The following SUN1 variants were observed in gnomAD, a reference collection of about 807,000 sequenced individuals.
SUN1 encodes the protein Sad1 and UNC84 domain containing 1, also known as SUN domain-containing protein 1.
SUN1 carries 61 observed loss-of-function variants against 103.2 expected under a neutral mutation model. The observed-to-expected ratio is 0.59, with a 90% CI of 0.48 to 0.73. SUN1 has a LOEUF of 0.73. SUN1 is among the 30% of genes least tolerant of loss of function. SUN1 has a pLI of 0.00. For missense variants in SUN1, 1,052 were observed against 1,034.6 expected (o/e 1.02, Z -0.23); for synonymous variants, 490 against 425.7 (o/e 1.15, Z -1.86).
At chr7:833,257 G>A (rs1799620506) in intron 1 of SUN1, 1 of 151,036 alleles carries the variant, frequency 6.6e-6, no homozygotes, top group Admixed American at 6.6e-5. Context: ...CCCAGCAGAT[G>A]TTTAAGGCAC....
chr7:850,210 T>C, intron 5 of SUN1: 1 of 645,050 alleles, frequency 1.6e-6, no homozygotes, highest in Non-Finnish European at 2.6e-6. Flanking sequence ...CTTGTAAATA[T>C]TTTTTGGAAG....
intron 16 of SUN1, 96 bp downstream of exon 16, chr7:866,163 G>C: frequency 2.0e-6 from 2 of 1,020,284 alleles, no homozygotes; most frequent in Non-Finnish European, 3.0e-6. Flanking sequence ...AACTTCGTAA[G>C]ATGAACACGT....
intron 16 of SUN1, among the ~76,000 whole-genome samples, chr7:867,410 G>A (rs1197620320): frequency 1.3e-5 from 2 of 152,250 alleles, no homozygotes; most frequent in African/African-American, 4.8e-5. Context: ...GTTCCTGCAT[G>A]GCGGTCCTGC....
upstream of SUN1, among the ~76,000 whole-genome samples, chr7:827,845 T>A (rs1367852964): frequency 6.6e-6 from 1 of 152,190 alleles, no homozygotes; most frequent in Non-Finnish European, 1.5e-5. Context: ...ATATAAATTA[T>A]ATACTGTAAA....
chr7:852,745 C>A, intron 8 of SUN1, 65 bp from the exon 9 acceptor site: 1 of 1,612,766 alleles, frequency 6.2e-7, no homozygotes. Context: ...AAAAAATGAG[C>A]GTGTAAGTCC....
At chr7:862,877 C>T (rs949595475) in intron 15 of SUN1, among the ~76,000 whole-genome samples, 3 of 152,206 alleles carry the variant, frequency 2.0e-5, no homozygotes, top group South Asian at 2.1e-4. Flanking sequence ...TCTGGCCGGG[C>T]GCAGTGGCTC....
intron 15 of SUN1, among the ~76,000 whole-genome samples, chr7:865,554 G>C (rs1562806334): frequency 6.6e-6 from 1 of 152,230 alleles, no homozygotes; most frequent in Non-Finnish European, 1.5e-5. Flanking sequence ...AAAGATAGAA[G>C]TGCAGGTCTG....
Position 852,040 on chromosome 7 carries a change from C to T in SUN1, c.848C>T (p.Thr283Ile), listed in dbSNP as rs1374759613. 6 of 1,613,798 alleles carry T rather than the reference C, an allele frequency of 3.7e-6. No homozygotes were observed. The African/African-American group carries it at 4.0e-5, about 11-fold the overall frequency. The change falls in exon 7 of 19, where the codon ACC (threonine) becomes ATC (isoleucine). Residue 283 changes from threonine (T) to isoleucine (I), a missense_variant. Thr to Ile is a moderately conservative substitution (Grantham distance 89, BLOSUM62 -1). Coordinates refer to ENST00000401592, the MANE Select transcript of SUN1 (RefSeq NM_001130965.3). ...TCTTGGCTGAATGTGTTTCTTCTTA[C>T]CAGGTAAGGAAATGGATATCATGTC... ...LISWLNVFLL[T>I]RCLRNICKFL...
intron 15 of SUN1, among the ~76,000 whole-genome samples, chr7:861,996 A>G (rs1832621218): frequency 6.6e-6 from 1 of 152,180 alleles, no homozygotes; most frequent in South Asian, 2.1e-4. Flanking sequence ...GAAAATCAGC[A>G]TCGCAGCTGA....
intron 2 of SUN1, among the ~76,000 whole-genome samples, chr7:840,997 G>C (rs531555350): frequency 7.3e-5 from 11 of 150,544 alleles, no homozygotes; most frequent in African/African-American, 2.7e-4. Context: ...GCAATGGCGC[G>C]ATCTTGGCTC....
In SUN1 at chr7:853,494, G is replaced by A. The variant is rs772745426; in HGVS notation, c.1139G>A (p.Gly380Asp). The change falls in exon 10 of 19, where the codon GGT becomes GAT. Residue 380 changes from glycine (G) to aspartate (D), a missense_variant. This residue lies in a region of SUN1 where 846 missense variants were observed against 774.5 expected (regional missense o/e 1.09). Transcript: ENST00000401592. ...ASLSGQCHHH[G>D]ENLRELTTLL... ...CTGTCTGGACAGTGCCACCACCATG[G>A]TGAGAATCTCCGAGAGCTGACCACT... The A allele has an allele frequency of 3.7e-6, 6 of 1,614,024 alleles. No homozygotes were observed. The highest frequency in any genetic ancestry group is 2.2e-5 in the South Asian group (2 of 91,088).
At chr7:829,548 G>GTTTTTTTTT (rs59608102), upstream of SUN1, among the ~76,000 whole-genome samples, 2 of 143,828 alleles carry the variant, frequency 1.4e-5, no homozygotes, top group Non-Finnish European at 3.0e-5. Flanking sequence ...AAAATAACTG[G>GTTTTTTTTT]TTTTTTTTTT....
intron 5 of SUN1, chr7:843,855 C>T: frequency 7.4e-7 from 1 of 1,343,660 alleles, no homozygotes; most frequent in Non-Finnish European, 9.5e-7. Context: ...GATGTTCACA[C>T]ATACTGAAGG....
chr7:856,416 A>T lies in SUN1; in HGVS notation c.1394+15A>T. ...AAAACAATCAGGTAGGAGGATTTGG[A>T]AAACATTCACTTTTGTCTTCGGTGT... On this transcript the variant is annotated intron_variant, in intron 12 of 18. Transcript: ENST00000401592. The T allele has an allele frequency of 6.2e-7, 1 of 1,614,046 alleles. No individual in the cohort carries two copies. Among genetic ancestry groups the T allele is most frequent in the Non-Finnish European group, 8.5e-7 (1 of 1,179,894 alleles).
In SUN1 at chr7:857,710, C is replaced by T. The variant is rs1828783416; in HGVS notation, c.1395-118C>T. 18 of 1,305,444 alleles carry T rather than the reference C, an allele frequency of 1.4e-5. No homozygotes were observed. In the East Asian group the frequency reaches 4.6e-4, roughly 33 times the overall value. 80.9% of individuals were successfully genotyped at this position (1,305,444 alleles called of 1,614,324 possible). On this transcript the variant is annotated intron_variant, in intron 12 of 18. Transcript: ENST00000401592. ...TCCACGTTAGTGTGGCACAGGATGA[C>T]ATCTGTACAGTTGTGACACCCAGGA... is the stretch of plus-strand genomic sequence containing the variant.
chr7:865,972 C>T lies in SUN1; in HGVS notation c.1885C>T (p.Arg629Cys), dbSNP rs1460651781. ...ESGGGSILSTRCSETYETKTA... is the reference protein window; with the variant it reads ...ESGGGSILSTCCSETYETKTA... The stretch of plus-strand genomic sequence containing the variant: ...TTAAGGTGGCAGCATCTTGAGTACT[C>T]GCTGTTCTGAAACTTACGAAACCAA... Residue 629 changes from arginine to cysteine, a missense_variant, in exon 16 of 19, where the codon CGC becomes TGC. Transcript: ENST00000401592. 1.2e-6 allele frequency: 2 copies of T among 1,613,950 alleles called. No individual in the cohort carries two copies. The highest frequency in any genetic ancestry group is 1.3e-5 in the African/African-American group (1 of 74,910).
intron 12 of SUN1, among the ~76,000 whole-genome samples, chr7:857,334 A>G (rs1367777449): frequency 6.6e-6 from 1 of 152,172 alleles, no homozygotes; most frequent in Admixed American, 6.5e-5. Context: ...AAGTTGCTTT[A>G]ACGTGTTAAT....
chr7:869,216 G>C (rs1379484653), intron 16 of SUN1, 133 bp from the exon 17 acceptor site: 11 of 1,105,852 alleles, frequency 9.9e-6, no homozygotes, highest in South Asian at 1.6e-5. Context: ...GCTTATCTTC[G>C]GATTTTGCTC....
At chr7:820,986 A>G (rs1785337958) in intron 1 of SUN1, among the ~76,000 whole-genome samples, 1 of 151,916 alleles carries the variant, frequency 6.6e-6, no homozygotes, top group African/African-American at 2.4e-5. Context: ...TTATGACTCA[A>G]CTTCTTCTGG....
Sources: allele counts gnomAD v4.1 joint callset (sites outside exome capture counted in the v4.1 genomes callset), GRCh38; gene constraint gnomAD v4.1.1; regional missense constraint gnomAD v4.1.1; transcripts MANE v1.5; gene names NCBI Gene and HGNC (gene_info 2026-07-23, HGNC 2026-07-21).